Variants in NSMCE2 observed in about 807,000 individuals in gnomAD.
The protein encoded by NSMCE2 is NSE2 SUMO ligase component of SMC5/6 complex.
A neutral mutation model predicts 23.8 loss-of-function variants in NSMCE2; 24 were observed. That is an observed-to-expected ratio of 1.01 (90% confidence interval 0.73 to 1.42). The LOEUF (loss-of-function observed/expected upper bound fraction) is 1.42, where lower values mean the gene tolerates loss of function less well. Ranked by LOEUF, NSMCE2 falls within the 40% of genes most tolerant of loss-of-function variation. NSMCE2 has a pLI of 0.00. For synonymous variants in NSMCE2, 92 were observed against 94.1 expected, an observed-to-expected ratio of 0.98 and a Z score of 0.13; for missense variants, 284 against 296.5, an observed-to-expected ratio of 0.96 and a Z score of 0.31.
chr8:125,248,227 A>G (rs73704560), intron 5 of NSMCE2, among the ~76,000 whole-genome samples: 2 of 152,316 alleles, frequency 1.3e-5, no homozygotes, highest in African/African-American at 4.8e-5. Flanking sequence ...CAGTCATGTC[A>G]GAAGGAAGCA....
At chr8:125,198,600 C>G (rs1446393089) in intron 5 of NSMCE2, among the ~76,000 whole-genome samples, 2 of 152,152 alleles carry the variant, frequency 1.3e-5, no homozygotes, top group African/African-American at 4.8e-5. Flanking sequence ...CAGTATTTTA[C>G]TGAGGATTTT....
At chr8:125,312,833 G>A (rs981579095) in intron 5 of NSMCE2, among the ~76,000 whole-genome samples, 1 of 152,050 alleles carries the variant, frequency 6.6e-6, no homozygotes, top group African/African-American at 2.4e-5. Context: ...TAAAGAGTAC[G>A]GGGCCGGTTG....
intron 5 of NSMCE2, among the ~76,000 whole-genome samples, chr8:125,195,483 T>C (rs1823571324): frequency 6.6e-6 from 1 of 152,202 alleles, no homozygotes; most frequent in Non-Finnish European, 1.5e-5. Context: ...ATAAGTCACT[T>C]AGTAATTACC....
intron 3 of NSMCE2, among the ~76,000 whole-genome samples, chr8:125,106,061 C>T (rs1818443537): frequency 1.3e-5 from 2 of 151,620 alleles, no homozygotes; most frequent in South Asian, 2.1e-4. Context: ...CACACACACA[C>T]ACACACACAC....
At chr8:125,159,284 C>T (rs547101438) in intron 4 of NSMCE2, among the ~76,000 whole-genome samples, 6 of 152,252 alleles carry the variant, frequency 3.9e-5, no homozygotes, top group African/African-American at 1.2e-4. Context: ...AAAACATAGT[C>T]ATACAGTCAT....
At chr8:125,222,743 A>G (rs1476744134) in intron 5 of NSMCE2, among the ~76,000 whole-genome samples, 1 of 152,172 alleles carries the variant, frequency 6.6e-6, no homozygotes, top group African/African-American at 2.4e-5. Context: ...TGTATATACC[A>G]CATTTTTTAA....
chr8:125,145,514 T>G (rs562281971), intron 3 of NSMCE2, among the ~76,000 whole-genome samples: 1 of 152,234 alleles, frequency 6.6e-6, no homozygotes, highest in African/African-American at 2.4e-5. Flanking sequence ...ATTTATTGGC[T>G]TGTAAATGAA....
At chr8:125,222,648 C>G (rs1189163447) in intron 5 of NSMCE2, among the ~76,000 whole-genome samples, 1 of 152,168 alleles carries the variant, frequency 6.6e-6, no homozygotes, top group Non-Finnish European at 1.5e-5. Context: ...GCTTATTTCA[C>G]CTAGCATAGT....
intron 5 of NSMCE2, among the ~76,000 whole-genome samples, chr8:125,204,468 T>A (rs1292787062): frequency 6.6e-6 from 1 of 152,166 alleles, no homozygotes; most frequent in Non-Finnish European, 1.5e-5. Flanking sequence ...GAACTTTTCA[T>A]TCCTTCCTCC....
At chr8:125,335,571 A>T (rs573745640) in intron 5 of NSMCE2, among the ~76,000 whole-genome samples, 1 of 152,358 alleles carries the variant, frequency 6.6e-6, no homozygotes, top group South Asian at 2.1e-4. Flanking sequence ...ATTATTGTCT[A>T]TAAACAAACA....
At chr8:125,181,109 G>A (rs1018641133) in intron 4 of NSMCE2, among the ~76,000 whole-genome samples, 1 of 152,218 alleles carries the variant, frequency 6.6e-6, no homozygotes, top group Non-Finnish European at 1.5e-5. Context: ...AGGCCTGATG[G>A]AGAGCAGCTG....
At chr8:125,320,418 A>G (rs1829407224) in intron 5 of NSMCE2, among the ~76,000 whole-genome samples, 1 of 152,136 alleles carries the variant, frequency 6.6e-6, no homozygotes, top group Admixed American at 6.5e-5. Flanking sequence ...ATACATGGGG[A>G]AAAAACTACA....
intron 3 of NSMCE2, among the ~76,000 whole-genome samples, chr8:125,147,426 G>A (rs1356061413): frequency 6.6e-6 from 1 of 152,056 alleles, no homozygotes; most frequent in Non-Finnish European, 1.5e-5. Context: ...GTCCTCAAAT[G>A]GATTAAAATC....
At chr8:125,256,275 C>A (rs540875905) in intron 5 of NSMCE2, among the ~76,000 whole-genome samples, 6 of 146,376 alleles carry the variant, frequency 4.1e-5, no homozygotes, top group Non-Finnish European at 7.5e-5. Flanking sequence ...GAGTGAGACT[C>A]CGTCTCAAAA....
chr8:125,201,925 C>T (rs141629425), intron 5 of NSMCE2, among the ~76,000 whole-genome samples: 16 of 152,244 alleles, frequency 1.1e-4, no homozygotes, highest in Non-Finnish European at 1.9e-4. Context: ...TCCCCCACCC[C>T]ATTCCCCCGC....
chr8:125,287,192 T>A (rs1288702890), intron 5 of NSMCE2, among the ~76,000 whole-genome samples: 1 of 151,872 alleles, frequency 6.6e-6, no homozygotes, highest in Non-Finnish European at 1.5e-5. Context: ...ATTGGCCGGG[T>A]GTGGTGGCGG....
chr8:125,111,346 A>T (rs113807414), intron 3 of NSMCE2, among the ~76,000 whole-genome samples: 1 of 152,166 alleles, frequency 6.6e-6, no homozygotes, highest in Admixed American at 6.5e-5. Flanking sequence ...TGGGGGTAAG[A>T]TTCTAGTTTT....
intron 3 of NSMCE2, among the ~76,000 whole-genome samples, chr8:125,148,661 A>T (rs1488023256): frequency 1.3e-5 from 2 of 152,184 alleles, no homozygotes; most frequent in East Asian, 3.8e-4. Context: ...AGCCTTACCC[A>T]CTTTTTTGAC....
At chr8:125,133,023 G>GTCAGTCAA (rs1819853290) in intron 3 of NSMCE2, among the ~76,000 whole-genome samples, 1 of 152,152 alleles carries the variant, frequency 6.6e-6, no homozygotes, top group Non-Finnish European at 1.5e-5. Context: ...AAAATTGACA[G>GTCAGTCAA]TTGCAGATAT....
Sources: allele counts gnomAD v4.1 joint callset (sites outside exome capture counted in the v4.1 genomes callset), GRCh38; gene constraint gnomAD v4.1.1; transcripts MANE v1.5; gene names NCBI Gene and HGNC (gene_info 2026-07-23, HGNC 2026-07-21).